The following SORCS2 variants were observed in gnomAD, a reference collection of about 807,000 sequenced individuals.
SORCS2 encodes the protein sortilin related VPS10 domain containing receptor 2, also known as VPS10 domain-containing receptor SorCS2.
A neutral mutation model predicts 141.6 loss-of-function variants in SORCS2; 100 were observed. That is an observed-to-expected ratio of 0.71 (90% CI 0.60 to 0.83). SORCS2 has a LOEUF of 0.83. Ranked by LOEUF, SORCS2 falls within the 40% of genes least tolerant of loss-of-function variation. The probability of loss-of-function intolerance (pLI) is 0.00; values close to 1 mark genes in which losing one functional copy is unlikely to be tolerated. For synonymous variants in SORCS2, 789 were observed against 676.9 expected (o/e 1.17, Z -2.57); for missense variants, 1,646 against 1,560.2 (o/e 1.05, Z -0.93).
chr4:7,366,033 C>T (rs1365501524), intron 1 of SORCS2, among the ~76,000 whole-genome samples: 1 of 152,144 alleles, frequency 6.6e-6, no homozygotes, highest in African/African-American at 2.4e-5. Flanking sequence ...TTTTATTTGT[C>T]ACAGTGACAT....
intron 2 of SORCS2, among the ~76,000 whole-genome samples, chr4:7,477,295 G>T (rs1463109394): frequency 1.3e-4 from 1 of 7,972 alleles, no homozygotes; most frequent in African/African-American, 1.8e-4. Context: ...ATGGATAACA[G>T]TGGGGTCTGA....
intron 9 of SORCS2, among the ~76,000 whole-genome samples, chr4:7,681,171 G>A (rs1162453675): frequency 6.6e-6 from 1 of 152,204 alleles, no homozygotes; most frequent in Non-Finnish European, 1.5e-5. Flanking sequence ...CTGCACTGGA[G>A]AGAATAGTGA....
chr4:7,689,326 C>G (rs1724067897), intron 10 of SORCS2, among the ~76,000 whole-genome samples, 160 bp from the exon 11 acceptor site: 1 of 152,206 alleles, frequency 6.6e-6, no homozygotes, highest in Non-Finnish European at 1.5e-5. Flanking sequence ...TAAAGGTCAG[C>G]CTCACACCTG....
intron 1 of SORCS2, among the ~76,000 whole-genome samples, chr4:7,343,196 A>T (rs1173301780): frequency 6.6e-6 from 1 of 152,160 alleles, no homozygotes. Context: ...CTCAGACGTG[A>T]GGTGGGCTGG....
intron 1 of SORCS2, among the ~76,000 whole-genome samples, chr4:7,389,533 C>G (rs1314547926): frequency 1.3e-5 from 2 of 152,190 alleles, no homozygotes; most frequent in Non-Finnish European, 2.9e-5. Context: ...CTGAGTCAGC[C>G]TGCTGCTGAT....
chr4:7,686,116 G>A (rs1252347722), intron 10 of SORCS2, among the ~76,000 whole-genome samples: 2 of 152,174 alleles, frequency 1.3e-5, no homozygotes, highest in Non-Finnish European at 2.9e-5. Context: ...CTTTGCTCAG[G>A]CCACTTGACC....
intron 1 of SORCS2, among the ~76,000 whole-genome samples, chr4:7,362,635 G>A (rs1353728463): frequency 6.6e-6 from 1 of 152,056 alleles, no homozygotes; most frequent in Non-Finnish European, 1.5e-5. Context: ...CCTGACCAGG[G>A]AGGCTGACTT....
chr4:7,540,741 C>T (rs1184560416), intron 3 of SORCS2, among the ~76,000 whole-genome samples: 2 of 152,228 alleles, frequency 1.3e-5, no homozygotes, highest in Non-Finnish European at 2.9e-5. Flanking sequence ...TACGGAGACT[C>T]AACCCCAGGT....
chr4:7,603,957 T>G (rs1108104), intron 3 of SORCS2, among the ~76,000 whole-genome samples: 40,013 of 152,156 alleles, frequency 0.26, 5,609 homozygotes, highest in Middle Eastern at 0.3. Context: ...AAAAACTTAC[T>G]AAGTTTTAGT....
chr4:7,208,832 G>T (rs1239950635), intron 1 of SORCS2, among the ~76,000 whole-genome samples: 1 of 152,212 alleles, frequency 6.6e-6, no homozygotes, highest in Admixed American at 6.5e-5. Flanking sequence ...GCACAGAGAG[G>T]GACTCTGAGA....
At chr4:7,689,083 G>A (rs569877815) in intron 10 of SORCS2, among the ~76,000 whole-genome samples, 13 of 152,226 alleles carry the variant, frequency 8.5e-5, no homozygotes, top group Admixed American at 6.5e-4. Flanking sequence ...CCCATGGCCC[G>A]GCACTTGACC....
Position 7,715,198 on chromosome 4 carries a change from G to C in SORCS2, c.2139G>C (p.Glu713Asp). 1 of 1,613,912 alleles carries C rather than the reference G, an allele frequency of 6.2e-7. No individual in the cohort carries two copies. The highest frequency in any genetic ancestry group is 8.5e-7 in the Non-Finnish European group (1 of 1,179,832). Residue 713 changes from glutamate to aspartate, a missense_variant, in exon 17 of 27, where the codon GAG (glutamate) becomes GAC (aspartate). Glu to Asp is a conservative substitution (Grantham distance 45). Transcript: ENST00000507866. Reference sequence around the variant, plus strand: ...CTCCTCCCAGCGACTACGGATTTGAGCGCTCCTCCTCCTCAGAGTCCAGCA... The same window carrying C: ...CTCCTCCCAGCGACTACGGATTTGACCGCTCCTCCTCCTCAGAGTCCAGCA... ...DSDFLCDYGF[E>D]RSSSSESSTN...
chr4:7,605,475 G>T (rs1288126812), intron 3 of SORCS2, among the ~76,000 whole-genome samples: 1 of 152,160 alleles, frequency 6.6e-6, no homozygotes, highest in Admixed American at 6.5e-5. Context: ...CTGGCCCAGG[G>T]CTAGCTCAGC....
At chr4:7,419,250 G>A (rs1044897026) in intron 2 of SORCS2, among the ~76,000 whole-genome samples, 1 of 152,174 alleles carries the variant, frequency 6.6e-6, no homozygotes, top group Non-Finnish European at 1.5e-5. Flanking sequence ...TGCTTTCTGG[G>A]GTTCAGGAGA....
At chr4:7,667,789 A>G (rs1036968663) in intron 8 of SORCS2, among the ~76,000 whole-genome samples, 1 of 152,054 alleles carries the variant, frequency 6.6e-6, no homozygotes, top group Non-Finnish European at 1.5e-5. Context: ...GGATTGCCCA[A>G]CTCTGCCCCT....
chr4:7,383,393 C>G (rs942278974), intron 1 of SORCS2, among the ~76,000 whole-genome samples: 2 of 152,216 alleles, frequency 1.3e-5, no homozygotes, highest in Non-Finnish European at 2.9e-5. Context: ...CCCTCCTCCC[C>G]CTGCAAGAGG....
At chr4:7,390,577 A>G (rs1434884961) in intron 1 of SORCS2, among the ~76,000 whole-genome samples, 1 of 152,164 alleles carries the variant, frequency 6.6e-6, no homozygotes, top group Non-Finnish European at 1.5e-5. Context: ...GTCTCTCCGT[A>G]AGGAGCTTGT....
intron 1 of SORCS2, among the ~76,000 whole-genome samples, chr4:7,279,244 A>G (rs993717469): frequency 1.3e-5 from 2 of 152,236 alleles, no homozygotes; most frequent in Non-Finnish European, 2.9e-5. Flanking sequence ...GTAAAAATAA[A>G]ATCAGCAAGA....
intron 1 of SORCS2, among the ~76,000 whole-genome samples, chr4:7,380,818 G>C (rs1208283182): frequency 6.6e-6 from 1 of 152,242 alleles, no homozygotes; most frequent in Non-Finnish European, 1.5e-5. Flanking sequence ...AGGTGCGGTG[G>C]CTCACGCCTG....
Sources: gnomAD v4.1 joint callset for allele counts (sites outside exome capture counted in the v4.1 genomes callset) on GRCh38, gnomAD v4.1.1 for gene constraint, MANE v1.5 for transcripts, NCBI Gene and HGNC (gene_info 2026-07-23, HGNC 2026-07-21) for gene names.